Variants in ARHGAP26 observed in about 807,000 individuals in gnomAD.
ARHGAP26 encodes the protein rho GTPase-activating protein 26.
A neutral mutation model predicts 104.8 loss-of-function variants in ARHGAP26; 38 were observed. That is an observed-to-expected ratio of 0.36 (90% CI 0.28 to 0.48). The LOEUF is 0.48. ARHGAP26 is among the 20% of genes least tolerant of loss of function. ARHGAP26 has a pLI of 0.99. For missense variants in ARHGAP26, 704 were observed against 947.9 expected (o/e 0.74, Z 3.38); for synonymous variants, 341 against 340.0 (o/e 1.00, Z -0.03).
At chr5:142,946,959 T>C (rs1367085698) in intron 11 of ARHGAP26, 1 of 152,174 alleles carries the variant, frequency 6.6e-6, no homozygotes. Context: ...CTAGTGGTTA[T>C]GGCCAAAGGC....
At chr5:142,789,391 T>C (rs1759331494) in intron 1 of ARHGAP26, among the ~76,000 whole-genome samples, 1 of 152,172 alleles carries the variant, frequency 6.6e-6, no homozygotes, top group African/African-American at 2.4e-5. Context: ...CAGTATTATA[T>C]TGAATTTAAT....
chr5:142,857,794 A>G (rs1040938210), intron 1 of ARHGAP26, among the ~76,000 whole-genome samples: 1 of 152,004 alleles, frequency 6.6e-6, no homozygotes, highest in African/African-American at 2.4e-5. Flanking sequence ...GCTCAGGTTT[A>G]GTGCTATTAG....
At chr5:142,935,728 T>C (rs927594626) in intron 11 of ARHGAP26, among the ~76,000 whole-genome samples, 2 of 152,206 alleles carry the variant, frequency 1.3e-5, no homozygotes, top group Admixed American at 6.5e-5. Context: ...CATCTTCCTC[T>C]GAGAGAAAAA....
intron 20 of ARHGAP26, chr5:143,170,605 G>A (rs1240062366): frequency 1.3e-5 from 2 of 152,166 alleles, no homozygotes; most frequent in Non-Finnish European, 2.9e-5. Context: ...CATTAAGGAA[G>A]CCCCAGTGTC....
At chr5:143,132,721 ACT>A (rs1217313100) in intron 18 of ARHGAP26, among the ~76,000 whole-genome samples, 2 of 152,142 alleles carry the variant, frequency 1.3e-5, no homozygotes, top group Admixed American at 6.5e-5. Flanking sequence ...AGGAGGGCAG[ACT>A]CTCTAACCAC....
At chr5:142,972,428 T>C (rs1353227617) in intron 11 of ARHGAP26, among the ~76,000 whole-genome samples, 3 of 152,204 alleles carry the variant, frequency 2.0e-5, no homozygotes, top group African/African-American at 7.2e-5. Context: ...GGGGACTGCC[T>C]TAAAAGACTG....
At chr5:143,051,507 T>A (rs1785023358) in intron 14 of ARHGAP26, among the ~76,000 whole-genome samples, 1 of 152,238 alleles carries the variant, frequency 6.6e-6, no homozygotes, top group African/African-American at 2.4e-5. Context: ...ATGACGTCTC[T>A]GTGGCATATT....
intron 11 of ARHGAP26, among the ~76,000 whole-genome samples, chr5:143,000,823 A>G (rs564886516): frequency 6.6e-6 from 1 of 152,330 alleles, no homozygotes; most frequent in East Asian, 1.9e-4. Flanking sequence ...TGGGAGTTGA[A>G]CAGTGAGAAC....
intron 11 of ARHGAP26, among the ~76,000 whole-genome samples, chr5:142,955,977 A>G (rs1166836606): frequency 6.6e-6 from 1 of 152,146 alleles, no homozygotes; most frequent in Non-Finnish European, 1.5e-5. Context: ...CTTTAGAACA[A>G]TCTCTGGAGG....
At chr5:142,805,229 A>G (rs1762784444) in intron 1 of ARHGAP26, among the ~76,000 whole-genome samples, 1 of 151,560 alleles carries the variant, frequency 6.6e-6, no homozygotes, top group Admixed American at 6.6e-5. Flanking sequence ...CAGCCTCCCA[A>G]GTAGCTGGGA....
rs1256974030 is a variant in ARHGAP26, at chr5:143,225,194, T to C, written c.*2748T>C. Reference sequence around the variant, plus strand: ...TGATGAGGTTTTTTATTTGTGTTTTTGTTTGTTTTTTGAGATGGAGTCTCA... The same window carrying C: ...TGATGAGGTTTTTTATTTGTGTTTTCGTTTGTTTTTTGAGATGGAGTCTCA... On this transcript the variant is annotated 3_prime_UTR_variant, in exon 23 of 23. Transcript: ENST00000645722. The C allele has an allele frequency of 5.1e-6, 1 of 197,988 alleles. No homozygotes were observed. The highest frequency in any genetic ancestry group is 1.0e-5 in the Non-Finnish European group (1 of 95,592). The allele number at this position is 197,988 out of a possible 1,614,324, so 12.3% of individuals were successfully genotyped here. A position where few individuals can be genotyped will look rare whatever the true frequency, so the allele number is the denominator to read the frequency against.
intron 1 of ARHGAP26, among the ~76,000 whole-genome samples, chr5:142,816,538 C>T (rs947965472): frequency 1.3e-5 from 2 of 152,106 alleles, no homozygotes; most frequent in Admixed American, 6.6e-5. Flanking sequence ...CCATGTGCGC[C>T]CTGGGCCTTG....
intron 21 of ARHGAP26, among the ~76,000 whole-genome samples, chr5:143,212,682 C>T (rs369571606): frequency 6.6e-6 from 1 of 152,152 alleles, no homozygotes; most frequent in African/African-American, 2.4e-5. Flanking sequence ...GCAATAAATT[C>T]GAGATAACCA....
At chr5:143,217,133 G>A (rs1029518566) in intron 22 of ARHGAP26, among the ~76,000 whole-genome samples, 2 of 152,190 alleles carry the variant, frequency 1.3e-5, no homozygotes, top group Admixed American at 1.3e-4. Flanking sequence ...GTGTGTGTAT[G>A]TGTGTCTTTT....
At chr5:142,872,595 G>A (rs367622638) in intron 1 of ARHGAP26, among the ~76,000 whole-genome samples, 7 of 152,226 alleles carry the variant, frequency 4.6e-5, no homozygotes, top group Non-Finnish European at 8.8e-5. Flanking sequence ...TGAAGACTCC[G>A]GAAGGATCAC....
intron 1 of ARHGAP26, among the ~76,000 whole-genome samples, chr5:142,812,941 C>CTT (rs34704039): frequency 6.5e-5 from 9 of 138,158 alleles, no homozygotes; most frequent in Non-Finnish European, 7.8e-5. Context: ...TTTTTTCTTT[C>CTT]TTTTTTTTTT....
intron 13 of ARHGAP26, among the ~76,000 whole-genome samples, chr5:143,038,149 T>A (rs1318465317): frequency 6.6e-6 from 1 of 152,212 alleles, no homozygotes; most frequent in African/African-American, 2.4e-5. Flanking sequence ...GTGAATCTTA[T>A]TTACTCACAG....
chr5:142,867,345 A>AGTACAAT (rs72182999), intron 1 of ARHGAP26, among the ~76,000 whole-genome samples: 5,461 of 149,116 alleles, frequency 0.037, 351 homozygotes, highest in East Asian at 0.25. Context: ...TGTTTTTGCT[A>AGTACAAT]GTACAATGCC....
At chr5:142,777,518 GCAGT>G (rs1437551768) in intron 1 of ARHGAP26, among the ~76,000 whole-genome samples, 1 of 152,226 alleles carries the variant, frequency 6.6e-6, no homozygotes, top group African/African-American at 2.4e-5. Flanking sequence ...TACTAACCTA[GCAGT>G]CAAAGTAGTT....
Sources: allele counts gnomAD v4.1 joint callset (sites outside exome capture counted in the v4.1 genomes callset), GRCh38; gene constraint gnomAD v4.1.1; transcripts MANE v1.5; gene names NCBI Gene and HGNC (gene_info 2026-07-23, HGNC 2026-07-21).